Variants in CLNK observed in about 807,000 individuals in gnomAD.
The protein encoded by CLNK is cytokine-dependent hematopoietic cell linker.
Under a neutral mutation model 68.6 loss-of-function variants are expected in CLNK, and 74 were observed. The observed-to-expected ratio is 1.08, with a 90% CI of 0.89 to 1.31. The LOEUF is 1.31. Among genes scored for constraint, CLNK ranks in the 50% most tolerant of loss-of-function variants. CLNK has a pLI of 0.00. For missense variants in CLNK, 553 were observed against 515.3 expected, an observed-to-expected ratio of 1.07 and a Z score of -0.71; for synonymous variants, 198 against 172.2, an observed-to-expected ratio of 1.15 and a Z score of -1.17.
intron 4 of CLNK, among the ~76,000 whole-genome samples, chr4:10,580,305 G>A (rs1720730852): frequency 6.6e-6 from 1 of 152,220 alleles, no homozygotes; most frequent in Middle Eastern, 3.2e-3. Flanking sequence ...ATTATGTACA[G>A]TACATAATAC....
In CLNK at chr4:10,586,954, A is replaced by ATT. The variant is rs113884963; in HGVS notation, c.84-2001_84-2000dup. On this transcript the variant is annotated intron_variant, in intron 3 of 18. Coordinates refer to ENST00000226951, the MANE Select transcript of CLNK (RefSeq NM_052964.4). ...AAGTTATCTGTACATGTCTTTGCCC[A>ATT]TTTTTTTTCTTTTTTTTTTTGAGAC... Among the ~76,000 whole-genome samples the ATT allele has an allele frequency of 6.7e-3, 992 of 147,450 alleles. 14 individuals carry two copies. Among genetic ancestry groups the ATT allele is most frequent in the African/African-American group, 0.023 (935 of 40,262 alleles).
intron 6 of CLNK, among the ~76,000 whole-genome samples, chr4:10,565,441 C>G (rs1577133174): frequency 1.3e-5 from 2 of 152,356 alleles, no homozygotes; most frequent in East Asian, 3.9e-4. Context: ...CTTGCTGAAG[C>G]TGCCCTTTGT....
chr4:10,662,541 A>G, intron 2 of CLNK, among the ~76,000 whole-genome samples: 1 of 152,232 alleles, frequency 6.6e-6, no homozygotes, highest in Non-Finnish European at 1.5e-5. Context: ...ACCTTTCAGT[A>G]TTTCAAAGCC....
At chr4:10,509,240 A>C (rs1329431635) in intron 16 of CLNK, among the ~76,000 whole-genome samples, 1 of 152,130 alleles carries the variant, frequency 6.6e-6, no homozygotes, top group Non-Finnish European at 1.5e-5. Context: ...TATATTAAAT[A>C]CTGAGATTCT....
chr4:10,664,584 T>A (rs1724320115), intron 2 of CLNK, among the ~76,000 whole-genome samples: 1 of 152,206 alleles, frequency 6.6e-6, no homozygotes, highest in Non-Finnish European at 1.5e-5. Context: ...CTGTTCTAGT[T>A]CAGCACTTCT....
At chr4:10,492,255 T>C (rs1484210294) in intron 18 of CLNK, among the ~76,000 whole-genome samples, 1 of 152,176 alleles carries the variant, frequency 6.6e-6, no homozygotes, top group Non-Finnish European at 1.5e-5. Flanking sequence ...TTTTTCAGCT[T>C]TGCCTATAGC....
Position 10,513,581 on chromosome 4 carries a change from C to T in CLNK, c.789G>A (p.Met263Ile), listed in dbSNP as rs1717698118. ...GGCATCTCTGAGGAGAACAGGGCTG[C>T]ATGCCTCCTCTATGATCTGGAAAGG... is the stretch of plus-strand genomic sequence containing the variant. ...SVQNRDHRGG[M>I]QPCSPQRCQP... The change falls in exon 16 of 19, where the codon ATG (methionine) becomes ATA (isoleucine). Residue 263 changes from methionine (M) to isoleucine (I), a missense_variant. Transcript: ENST00000226951. The T allele has an allele frequency of 6.2e-7, 1 of 1,602,104 alleles. No homozygotes were observed. The highest frequency in any genetic ancestry group is 1.3e-5 in the African/African-American group (1 of 74,798).
intron 2 of CLNK, among the ~76,000 whole-genome samples, chr4:10,607,110 A>T (rs948718465): frequency 6.6e-6 from 1 of 152,182 alleles, no homozygotes; most frequent in African/African-American, 2.4e-5. Flanking sequence ...GACTCTGTTG[A>T]TGATTGGTAG....
intron 7 of CLNK, among the ~76,000 whole-genome samples, chr4:10,560,382 C>T (rs969230241): frequency 2.0e-5 from 3 of 152,086 alleles, no homozygotes; most frequent in Non-Finnish European, 2.9e-5. Context: ...CAAGAACTGG[C>T]CTTTGTAAAA....
chr4:10,627,021 G>T (rs1722700156), intron 2 of CLNK, among the ~76,000 whole-genome samples: 1 of 152,170 alleles, frequency 6.6e-6, no homozygotes, highest in African/African-American at 2.4e-5. Flanking sequence ...CTTCACCCAA[G>T]CAATTTGCTA....
At chr4:10,692,095 C>T in the CLNK span, 56 of 152,070 alleles carry the variant, frequency 3.7e-4, no homozygotes, top group African/African-American at 1.3e-3. Context: ...GAATCACTTC[C>T]CTCTCTTTAA....
At chr4:10,659,415 A>C (rs2108887736) in intron 2 of CLNK, among the ~76,000 whole-genome samples, 1 of 152,230 alleles carries the variant, frequency 6.6e-6, no homozygotes, top group African/African-American at 2.4e-5. Context: ...AGAAAATGAG[A>C]CTCAGGGAGG....
chr4:10,518,606 G>A (rs1477681135), intron 15 of CLNK, among the ~76,000 whole-genome samples: 2 of 152,120 alleles, frequency 1.3e-5, no homozygotes, highest in African/African-American at 4.8e-5. Flanking sequence ...CTTCCAACAT[G>A]TCAAAATATT....
At position 10,487,445 on chromosome 4, in the gene CLNK, C is replaced by T. The variant is rs146245409; in HGVS notation, c.*3022G>A. 81 of 152,144 alleles carry T rather than the reference C, an allele frequency of 5.3e-4. No individual in the cohort carries two copies. Among genetic ancestry groups the T allele is most frequent in the African/African-American group, 1.9e-3 (78 of 41,500 alleles). 9.4% of individuals were successfully genotyped at this position (152,144 alleles called of 1,614,324 possible). On this transcript the variant is annotated 3_prime_UTR_variant, in exon 19 of 19. Transcript: ENST00000226951. ...TTATTATTTAATCATCCATTACAAG[C>T]AAAATGTAAATGTGATTGTCCTTAC...
At chr4:10,686,404 G>A (rs1260356502), upstream of CLNK, among the ~76,000 whole-genome samples, 1 of 151,906 alleles carries the variant, frequency 6.6e-6, no homozygotes, top group African/African-American at 2.4e-5. Flanking sequence ...CTGATCATCT[G>A]GTCTGTGCTA....
chr4:10,699,292 A>ACACACACACCACATACGTGTG, the CLNK span, among the ~76,000 whole-genome samples: 1 of 18,052 alleles, frequency 5.5e-5, no homozygotes, highest in Non-Finnish European at 1.5e-4. Flanking sequence ...ATACGTGTAT[A>ACACACACACCACATACGTGTG]CACACACACA....
At chr4:10,634,573 C>T (rs927175603) in intron 2 of CLNK, among the ~76,000 whole-genome samples, 1 of 152,144 alleles carries the variant, frequency 6.6e-6, no homozygotes, top group African/African-American at 2.4e-5. Context: ...CACTGTGCAC[C>T]GAAAGACTGA....
At chr4:10,696,124 G>T in the CLNK span, among the ~76,000 whole-genome samples, 1 of 152,110 alleles carries the variant, frequency 6.6e-6, no homozygotes, top group South Asian at 2.1e-4. Flanking sequence ...CCAAAGTGCT[G>T]GGATTATAGG....
intron 2 of CLNK, among the ~76,000 whole-genome samples, chr4:10,649,724 C>T (rs1723653225): frequency 6.6e-6 from 1 of 152,000 alleles, no homozygotes; most frequent in Non-Finnish European, 1.5e-5. Context: ...GTCTAGAAAC[C>T]TTCAATCTGA....
Sources: allele counts gnomAD v4.1 joint callset (sites outside exome capture counted in the v4.1 genomes callset), GRCh38; gene constraint gnomAD v4.1.1; transcripts MANE v1.5; gene names NCBI Gene and HGNC (gene_info 2026-07-23, HGNC 2026-07-21).